SAMMSON: variants seen among roughly 807,000 people sequenced by gnomAD.
SAMMSON encodes the protein long intergenic non-protein coding RNA 1212.
At chr3:70,247,024 C>A (rs1238204015) in intron 4 of SAMMSON, among the ~76,000 whole-genome samples, 3 of 151,966 alleles carry the variant, frequency 2.0e-5, no homozygotes, top group Non-Finnish European at 1.5e-5. Flanking sequence ...TATCTGTTTC[C>A]ATGACTACCA....
chr3:70,052,299 C>T (rs1442069910), intron 3 of SAMMSON, among the ~76,000 whole-genome samples: 2 of 152,000 alleles, frequency 1.3e-5, no homozygotes, highest in Non-Finnish European at 2.9e-5. Context: ...CAGTGTGACC[C>T]CACTGCAGTG....
intron 9 of SAMMSON, among the ~76,000 whole-genome samples, chr3:70,376,051 T>C (rs1481570845): frequency 6.6e-6 from 1 of 152,214 alleles, no homozygotes; most frequent in African/African-American, 2.4e-5. Context: ...CGTTTTCATA[T>C]GGAGGTTTTA....
intron 9 of SAMMSON, among the ~76,000 whole-genome samples, chr3:70,363,059 G>A (rs868094504): frequency 4.0e-5 from 6 of 151,740 alleles, no homozygotes; most frequent in Non-Finnish European, 7.4e-5. Context: ...AGACAAAGGG[G>A]AATGAAAAAA....
intron 4 of SAMMSON, chr3:70,140,221 G>T: frequency 5.9e-6 from 1 of 168,818 alleles, no homozygotes. Flanking sequence ...CCAGACATGG[G>T]ACTGGAAGAT....
chr3:70,084,289 A>G (rs1329474797), intron 4 of SAMMSON, among the ~76,000 whole-genome samples: 1 of 152,136 alleles, frequency 6.6e-6, no homozygotes, highest in African/African-American at 2.4e-5. Flanking sequence ...CTTTTCTAGA[A>G]TCATGTAAGG....
chr3:70,127,291 C>T (rs1208738860), intron 4 of SAMMSON: 1 of 152,090 alleles, frequency 6.6e-6, no homozygotes, highest in Non-Finnish European at 1.5e-5. Context: ...TTTCAGGATC[C>T]TCTTACTACA....
At chr3:70,225,782 T>G in intron 4 of SAMMSON, among the ~76,000 whole-genome samples, 1 of 152,216 alleles carries the variant, frequency 6.6e-6, no homozygotes, top group East Asian at 1.9e-4. Flanking sequence ...TAAAAAAATG[T>G]CATTTGTCAG....
intron 3 of SAMMSON, among the ~76,000 whole-genome samples, chr3:70,017,101 T>G (rs2066989367): frequency 6.6e-6 from 1 of 152,154 alleles, no homozygotes; most frequent in Non-Finnish European, 1.5e-5. Flanking sequence ...AACTTTAAAG[T>G]AGTTTTTTCC....
chr3:70,009,465 T>A (rs1348268730), intron 1 of SAMMSON, among the ~76,000 whole-genome samples: 1 of 152,232 alleles, frequency 6.6e-6, no homozygotes, highest in African/African-American at 2.4e-5. Flanking sequence ...TTTGTATTTC[T>A]GTGGGATCGG....
At chr3:70,260,808 G>T (rs575779786) in intron 6 of SAMMSON, among the ~76,000 whole-genome samples, 1 of 151,932 alleles carries the variant, frequency 6.6e-6, no homozygotes, top group Admixed American at 6.6e-5. Context: ...CCTCTTGGTG[G>T]GTTCCCAGAC....
intron 4 of SAMMSON, among the ~76,000 whole-genome samples, chr3:70,248,611 T>C (rs1701730933): frequency 6.6e-6 from 1 of 152,118 alleles, no homozygotes; most frequent in Non-Finnish European, 1.5e-5. Flanking sequence ...AAGATTGGAT[T>C]AGAAGAGCAA....
intron 4 of SAMMSON, chr3:70,072,466 AT>A (rs1156328518): frequency 6.6e-6 from 1 of 151,690 alleles, no homozygotes; most frequent in Non-Finnish European, 1.5e-5. Flanking sequence ...GCTGGAGTTT[AT>A]TTTGTGCTCA....
At chr3:70,424,066 G>A (rs1701334602) in intron 2 of SAMMSON, among the ~76,000 whole-genome samples, 1 of 152,130 alleles carries the variant, frequency 6.6e-6, no homozygotes, top group Non-Finnish European at 1.5e-5. Context: ...GTCCAGTAGA[G>A]ATACAATTGA....
chr3:70,414,518 A>G (rs928003999), intron 2 of SAMMSON, among the ~76,000 whole-genome samples: 2 of 152,148 alleles, frequency 1.3e-5, no homozygotes, highest in African/African-American at 4.8e-5. Context: ...ATCTTCAGTA[A>G]GTTAATACTC....
chr3:70,012,096 C>G (rs2066958698), intron 1 of SAMMSON, among the ~76,000 whole-genome samples: 1 of 152,042 alleles, frequency 6.6e-6, no homozygotes, highest in African/African-American at 2.4e-5. Flanking sequence ...AATCCATGAT[C>G]CAGAGCTGGA....
chr3:70,220,252 GA>G (rs768106713), intron 4 of SAMMSON, among the ~76,000 whole-genome samples: 1 of 151,928 alleles, frequency 6.6e-6, no homozygotes, highest in Non-Finnish European at 1.5e-5. Flanking sequence ...ATTATCAGAA[GA>G]AAATATGCCG....
chr3:70,045,064 A>G (rs190807800), intron 3 of SAMMSON, among the ~76,000 whole-genome samples: 30,887 of 113,198 alleles, frequency 0.27, 5,095 homozygotes, highest in East Asian at 0.57. Context: ...TAATTATAAT[A>G]TATATTATAA....
chr3:70,258,703 G>A (rs1322797555), intron 6 of SAMMSON, among the ~76,000 whole-genome samples: 2 of 151,984 alleles, frequency 1.3e-5, no homozygotes, highest in African/African-American at 4.8e-5. Context: ...ATAAGAATGT[G>A]AATTGAAGCA....
chr3:70,235,097 T>A (rs1445321579), intron 4 of SAMMSON, among the ~76,000 whole-genome samples: 2 of 152,298 alleles, frequency 1.3e-5, no homozygotes, highest in South Asian at 4.1e-4. Context: ...TGTTCCTTTA[T>A]GTTTTTTTCC....
Sources: gnomAD v4.1 joint callset for allele counts (sites outside exome capture counted in the v4.1 genomes callset) on GRCh38, gnomAD v4.1.1 for gene constraint, MANE v1.5 for transcripts, NCBI Gene and HGNC (gene_info 2026-07-23, HGNC 2026-07-21) for gene names.